LIPF: variants seen among roughly 807,000 people sequenced by gnomAD.
The protein encoded by LIPF is gastric triacylglycerol lipase.
LIPF carries 25 observed loss-of-function variants against 38.0 expected under a neutral mutation model. The ratio of observed to expected loss-of-function variants is 0.66; its 90% CI spans 0.48 to 0.92. The LOEUF is 0.92. Ranked by LOEUF, LIPF falls within the 40% of genes least tolerant of loss-of-function variation. The probability of loss-of-function intolerance (pLI) is 0.00; values close to 1 mark genes in which losing one functional copy is unlikely to be tolerated. For synonymous variants in LIPF, 161 were observed against 156.2 expected, an observed-to-expected ratio of 1.03 and a Z score of -0.23; for missense variants, 410 against 469.9, an observed-to-expected ratio of 0.87 and a Z score of 1.18.
chr10:88,674,085 T>A (rs1193033956), intron 7 of LIPF, among the ~76,000 whole-genome samples: 2 of 152,232 alleles, frequency 1.3e-5, no homozygotes, highest in African/African-American at 2.4e-5. Context: ...ATTGAATAAA[T>A]GTTTTCAATA....
At chr10:88,675,557 A>G (rs761780041) in intron 7 of LIPF, 29 bp from the exon 8 acceptor site, 1 of 1,505,364 alleles carries the variant, frequency 6.6e-7, no homozygotes, top group African/African-American at 1.4e-5. Context: ...CTTAGTATGT[A>G]TATAATATGT....
At chr10:88,672,682 T>A (rs1841622503) in intron 6 of LIPF, among the ~76,000 whole-genome samples, 1 of 151,406 alleles carries the variant, frequency 6.6e-6, no homozygotes, top group Non-Finnish European at 1.5e-5. Flanking sequence ...TCTCTCTCTC[T>A]CTCTCTCTCT....
In LIPF at chr10:88,664,933, C is replaced by T. The variant is rs533131355; in HGVS notation, c.-12+442C>T. ...GCTGTTGAATTGATCATTATTAATA[C>T]GATTGTGAAACCTTATAGGCTATTA... On this transcript the variant is annotated intron_variant, in intron 1 of 9. Coordinates refer to ENST00000238983, the MANE Select transcript of LIPF (RefSeq NM_004190.4). Among the ~76,000 whole-genome samples the T allele has an allele frequency of 1.2e-4, 18 of 152,172 alleles. 1 individual carries two copies. The highest frequency in any genetic ancestry group is 1.2e-3 in the East Asian group (6 of 5,190).
chr10:88,670,277 AT>A (rs201940223), intron 5 of LIPF, among the ~76,000 whole-genome samples: 2,848 of 152,312 alleles, frequency 0.019, 86 homozygotes, highest in African/African-American at 0.065. Context: ...CCTATGATGT[AT>A]CAAAAGAATA....
intron 7 of LIPF, among the ~76,000 whole-genome samples, chr10:88,673,979 G>A (rs1216041249): frequency 2.6e-5 from 4 of 152,060 alleles, no homozygotes; most frequent in African/African-American, 9.7e-5. Context: ...ACTCACTTAT[G>A]ACCACCTAAA....
rs530472531 is a variant in LIPF, at chr10:88,668,779, A to C, written c.422+23A>C. 1.1e-5 allele frequency: 17 copies of C among 1,599,992 alleles called. No homozygotes were observed. In the Admixed American group the frequency reaches 1.2e-4, roughly 11 times the overall value. ...CAGGTAAACAAAAGGGACAATTAAA[A>C]ATAAACACTGGGCTTTAAAAGCATA... is the stretch of plus-strand genomic sequence containing the variant. On this transcript the variant is annotated intron_variant, in intron 4 of 9. Coordinates refer to ENST00000238983, the MANE Select transcript of LIPF (RefSeq NM_004190.4).
intron 8 of LIPF, 46 bp from the exon 9 acceptor site, chr10:88,676,163 C>T (rs775138604): frequency 9.0e-7 from 1 of 1,106,596 alleles, no homozygotes; most frequent in Non-Finnish European, 1.3e-6. Context: ...TTATTTTTCA[C>T]AATATAATAA....
At chr10:88,676,505 C>G (rs1164309237) in intron 9 of LIPF, among the ~76,000 whole-genome samples, 2 of 152,158 alleles carry the variant, frequency 1.3e-5, no homozygotes, top group Non-Finnish European at 2.9e-5. Context: ...GTGTGAGAGA[C>G]TTCCCAGGAC....
chr10:88,669,623 A>T, intron 4 of LIPF: 1 of 419,710 alleles, frequency 2.4e-6, no homozygotes, highest in Non-Finnish European at 4.3e-6. Context: ...TTTGGATTCA[A>T]TTGTGGCTGC....
intron 3 of LIPF, 87 bp downstream of exon 3, chr10:88,667,773 A>C: frequency 3.2e-6 from 2 of 622,468 alleles, no homozygotes; most frequent in South Asian, 5.0e-5. Context: ...TTCTTCCTCC[A>C]ACTTTTCCTT....
chr10:88,677,057 T>C (rs1841699909), intron 9 of LIPF, among the ~76,000 whole-genome samples: 1 of 152,192 alleles, frequency 6.6e-6, no homozygotes, highest in Non-Finnish European at 1.5e-5. Flanking sequence ...CATCCAATTT[T>C]TCCATCCAAG....
chr10:88,676,270 A>G lies in LIPF; in HGVS notation c.950A>G (p.His317Arg). 1.3e-6 allele frequency: 2 copies of G among 1,599,574 alleles called. No individual in the cohort carries two copies. The highest frequency in any genetic ancestry group is 1.7e-6 in the Non-Finnish European group (2 of 1,169,476). The change falls in exon 9 of 10, where the codon CAC (histidine) becomes CGC (arginine). Residue 317 changes from histidine to arginine, a missense_variant. Coordinates refer to ENST00000238983, the MANE Select transcript of LIPF (RefSeq NM_004190.4). ...DWGSPVQNRM[H>R]YDQSQPPYYN... ...GGAAGCCCAGTTCAGAATAGGATGC[A>G]CTATGATCAGGTAAGCTTCTTAAAG...
intron 1 of LIPF, among the ~76,000 whole-genome samples, chr10:88,665,086 C>T (rs1011511917): frequency 6.6e-6 from 1 of 152,242 alleles, no homozygotes; most frequent in Admixed American, 6.5e-5. Flanking sequence ...TGGGGAAGAA[C>T]ATAGCCTTTG....
chr10:88,667,802 T>A (rs1590109070), intron 3 of LIPF, 116 bp downstream of exon 3: 1 of 585,598 alleles, frequency 1.7e-6, no homozygotes, highest in East Asian at 2.7e-5. Flanking sequence ...CTTCCCTTTT[T>A]CCTCCTTTTA....
Position 88,678,428 on chromosome 10 carries a change from T to C in LIPF, c.961-17T>C. The C allele has an allele frequency of 6.3e-7, 1 of 1,579,832 alleles. No individual in the cohort carries two copies. The highest frequency in any genetic ancestry group is 1.1e-5 in the South Asian group (1 of 90,342). ...TGTGGTTACCTAAACTCTGGTTCTT[T>C]CTCTTGTGTTTTCTAGTCCCAACCT... On this transcript the variant is annotated splice_polypyrimidine_tract_variant and intron_variant, in intron 9 of 9. Coordinates refer to ENST00000238983, the MANE Select transcript of LIPF (RefSeq NM_004190.4).
intron 5 of LIPF, 52 bp from the exon 6 acceptor site, chr10:88,671,771 AAACAAC>A: frequency 6.4e-7 from 1 of 1,552,922 alleles, no homozygotes; most frequent in Non-Finnish European, 8.7e-7. Flanking sequence ...AAAACAAACA[AAACAAC>A]AACAACAACA....
intron 3 of LIPF, 64 bp from the exon 4 acceptor site, chr10:88,668,494 A>G (rs1841547119): frequency 7.0e-7 from 1 of 1,434,256 alleles, no homozygotes; most frequent in South Asian, 1.2e-5. Context: ...GACTGTTTCT[A>G]GCCTCACATT....
At chr10:88,677,938 G>T (rs918344424) in intron 9 of LIPF, among the ~76,000 whole-genome samples, 14 of 152,134 alleles carry the variant, frequency 9.2e-5, no homozygotes, top group Non-Finnish European at 1.9e-4. Flanking sequence ...CCTATCCCCT[G>T]ACCATAACTG....
intron 6 of LIPF, among the ~76,000 whole-genome samples, chr10:88,672,245 A>G (rs1564959365): frequency 6.6e-6 from 1 of 152,168 alleles, no homozygotes; most frequent in Non-Finnish European, 1.5e-5. Context: ...AGCACTCTAC[A>G]CAGTTGTGTC....
Sources: allele counts gnomAD v4.1 joint callset (sites outside exome capture counted in the v4.1 genomes callset), GRCh38; gene constraint gnomAD v4.1.1; transcripts MANE v1.5; gene names NCBI Gene and HGNC (gene_info 2026-07-23, HGNC 2026-07-21).